The following ZNF469 variants were observed in gnomAD, a reference collection of about 807,000 sequenced individuals.
ZNF469 encodes the protein zinc finger protein 469.
ZNF469 carries 1 observed loss-of-function variant against 1.0 expected under a neutral mutation model. The observed-to-expected ratio is 1.00, with a 90% CI of 0.35 to 4.73. The LOEUF is 4.73. Ranked by LOEUF, ZNF469 falls within the 30% of genes most tolerant of loss-of-function variation. The probability of loss-of-function intolerance (pLI) is 0.16; values close to 1 mark genes in which losing one functional copy is unlikely to be tolerated. For missense variants in ZNF469, 6,100 were observed against 5,356.3 expected, an observed-to-expected ratio of 1.14 and a Z score of -4.33; for synonymous variants, 2,703 against 2,363.4, an observed-to-expected ratio of 1.14 and a Z score of -4.17.
the ZNF469 span, among the ~76,000 whole-genome samples, chr16:88,320,517 C>T: frequency 2.3e-4 from 35 of 152,158 alleles, no homozygotes; most frequent in African/African-American, 7.5e-4. Flanking sequence ...CAGAGTAGCC[C>T]GGATTACAGG....
the ZNF469 span, among the ~76,000 whole-genome samples, chr16:88,263,019 C>T: frequency 9.2e-5 from 14 of 152,270 alleles, no homozygotes; most frequent in Middle Eastern, 6.8e-3. Context: ...CAGGCGTGGC[C>T]CCCGGGAGAA....
chr16:88,407,781 T>C (rs1905059398), intron 1 of ZNF469, among the ~76,000 whole-genome samples: 1 of 152,252 alleles, frequency 6.6e-6, no homozygotes, highest in Admixed American at 6.5e-5. Flanking sequence ...AGACGCTGCC[T>C]TCTGTGAGTT....
chr16:88,232,117 G>A, the ZNF469 span, among the ~76,000 whole-genome samples: 7 of 152,172 alleles, frequency 4.6e-5, no homozygotes, highest in Admixed American at 1.3e-4. Flanking sequence ...CCACGCAAAG[G>A]CTGGGCACTG....
chr16:88,375,824 G>A, the ZNF469 span, among the ~76,000 whole-genome samples: 1 of 152,216 alleles, frequency 6.6e-6, no homozygotes, highest in Non-Finnish European at 1.5e-5. Context: ...TTCACCCCTT[G>A]GGAAATCAGA....
intron 1 of ZNF469, among the ~76,000 whole-genome samples, chr16:88,405,814 A>G (rs1405142372): frequency 6.6e-6 from 1 of 152,110 alleles, no homozygotes; most frequent in African/African-American, 2.4e-5. Flanking sequence ...CCCACGGCCC[A>G]GGCCAGAAAC....
chr16:88,181,586 G>A, the ZNF469 span, among the ~76,000 whole-genome samples: 1 of 152,006 alleles, frequency 6.6e-6, no homozygotes, highest in African/African-American at 2.4e-5. Flanking sequence ...AATCCAAAGA[G>A]AAATTAGAAA....
chr16:88,277,978 C>T, the ZNF469 span, among the ~76,000 whole-genome samples: 85 of 39,508 alleles, frequency 2.2e-3, no homozygotes, highest in Admixed American at 3.5e-3. Flanking sequence ...GCCACCCTGA[C>T]ACTCGGTCAG....
the ZNF469 span, among the ~76,000 whole-genome samples, chr16:88,245,045 C>A: frequency 4.6e-5 from 7 of 152,014 alleles, no homozygotes; most frequent in Non-Finnish European, 8.8e-5. Context: ...CAGCAGGACA[C>A]ACCCGTAGGG....
chr16:88,284,452 C>CA, the ZNF469 span, among the ~76,000 whole-genome samples: 1 of 151,822 alleles, frequency 6.6e-6, no homozygotes, highest in Non-Finnish European at 1.5e-5. Context: ...CCCATCTCTA[C>CA]AAAAAAATAA....
the ZNF469 span, among the ~76,000 whole-genome samples, chr16:88,134,854 T>C: frequency 6.6e-6 from 1 of 152,266 alleles, no homozygotes; most frequent in Admixed American, 6.5e-5. Context: ...GGATTTGTCT[T>C]TTCCTCAATG....
chr16:88,203,483 A>G, the ZNF469 span, among the ~76,000 whole-genome samples: 1 of 151,642 alleles, frequency 6.6e-6, no homozygotes, highest in Non-Finnish European at 1.5e-5. Context: ...AAAACACCAC[A>G]AATGACGGTG....
the ZNF469 span, chr16:88,100,956 C>T: frequency 1.4e-5 from 4 of 279,124 alleles, no homozygotes; most frequent in African/African-American, 2.3e-5. Flanking sequence ...AGCCCCAACG[C>T]GCTGCTGCTG....
At chr16:88,224,710 TG>T in the ZNF469 span, among the ~76,000 whole-genome samples, 5 of 152,198 alleles carry the variant, frequency 3.3e-5, no homozygotes, top group Non-Finnish European at 5.9e-5. Flanking sequence ...TGTGTGTGTG[TG>T]TCCATGTGTG....
At chr16:88,377,102 G>C in the ZNF469 span, among the ~76,000 whole-genome samples, 1 of 152,252 alleles carries the variant, frequency 6.6e-6, no homozygotes, top group Admixed American at 6.5e-5. Context: ...ACTCGACCCA[G>C]AGCCCACAGT....
chr16:88,386,904 T>C (rs189028846), intron 1 of ZNF469, among the ~76,000 whole-genome samples: 169 of 152,262 alleles, frequency 1.1e-3, no homozygotes, highest in Middle Eastern at 3.4e-3. Flanking sequence ...CCCGTGCTCA[T>C]CATTTGCCAG....
At chr16:88,117,871 G>A in the ZNF469 span, among the ~76,000 whole-genome samples, 1 of 152,370 alleles carries the variant, frequency 6.6e-6, no homozygotes, top group African/African-American at 2.4e-5. Context: ...CTATGGCAAA[G>A]GGAGGCTCCA....
chr16:88,106,770 A>G, the ZNF469 span, among the ~76,000 whole-genome samples: 1 of 152,244 alleles, frequency 6.6e-6, no homozygotes, highest in East Asian at 1.9e-4. Flanking sequence ...CTGGGATGCC[A>G]TGGGACGGAG....
the ZNF469 span, among the ~76,000 whole-genome samples, chr16:88,295,720 A>T: frequency 1.3e-5 from 2 of 152,184 alleles, no homozygotes; most frequent in African/African-American, 4.8e-5. Flanking sequence ...GGCAGGACCA[A>T]GCTGTTCACC....
chr16:88,222,761 A>G, the ZNF469 span, among the ~76,000 whole-genome samples: 3 of 151,648 alleles, frequency 2.0e-5, no homozygotes, highest in Non-Finnish European at 2.9e-5. Flanking sequence ...CCATCCCGAA[A>G]AAAAAAAACA....
Sources: allele counts gnomAD v4.1 joint callset (sites outside exome capture counted in the v4.1 genomes callset), GRCh38; gene constraint gnomAD v4.1.1; transcripts MANE v1.5; gene names NCBI Gene and HGNC (gene_info 2026-07-23, HGNC 2026-07-21).